MGAM2: variants seen among roughly 807,000 people sequenced by gnomAD.
The protein encoded by MGAM2 is probable maltase-glucoamylase 2.
Under a neutral mutation model 96.1 loss-of-function variants are expected in MGAM2, and 98 were observed. The observed-to-expected ratio is 1.02, with a 90% confidence interval of 0.87 to 1.21. MGAM2 has a LOEUF of 1.21. MGAM2 is among the 50% of genes most tolerant of loss of function. MGAM2 has a pLI of 0.00. For synonymous variants in MGAM2, 749 were observed against 414.8 expected, an observed-to-expected ratio of 1.81 and a Z score of -9.79; for missense variants, 2,055 against 1,182.4, an observed-to-expected ratio of 1.74 and a Z score of -10.82.
Position 142,156,068 on chromosome 7 carries a change from C to T in MGAM2, c.1923+1223C>T, listed in dbSNP as rs145038268. On this transcript the variant is annotated intron_variant, in intron 17 of 47. Coordinates refer to ENST00000477922, the MANE Select transcript of MGAM2 (RefSeq NM_001293626.2). ...GCTGAGGCAGGAGAATCTCTTGAAC[C>T]GGGGAGGCAGAGGTTGTGGTGTGCT... Among the ~76,000 whole-genome samples, 1,376 of 151,804 alleles carry T rather than the reference C, an allele frequency of 9.1e-3. 25 individuals are homozygous for T. Among genetic ancestry groups the T allele is most frequent in the African/African-American group, 0.031 (1,276 of 41,380 alleles).
chr7:142,219,943 G>A lies in MGAM2; in HGVS notation c.5432G>A (p.Gly1811Asp). 1.4e-6 allele frequency: 1 copy of A among 702,760 alleles called. No individual in the cohort carries two copies. The highest frequency in any genetic ancestry group is 1.5e-5 in the South Asian group (1 of 67,588). 43.5% of individuals were successfully genotyped at this position (702,760 alleles called of 1,614,324 possible). ...ACTGAGGTTACTTGGATTGATGGTG[G>A]TCCTGTACTTCCTACTCCAACTAAG... ...KLTEVTWIDGGPVLPTPTKTS... is the reference protein window; with the variant it reads ...KLTEVTWIDGDPVLPTPTKTS... Residue 1811 changes from glycine (G) to aspartate (D), a missense_variant, in exon 48 of 48, where the codon GGT becomes GAT. Coordinates refer to ENST00000477922, the MANE Select transcript of MGAM2 (RefSeq NM_001293626.2).
At chr7:142,176,022 A>G (rs1300809218) in intron 32 of MGAM2, among the ~76,000 whole-genome samples, 1 of 151,888 alleles carries the variant, frequency 6.6e-6, no homozygotes, top group Non-Finnish European at 1.5e-5. Context: ...TATTTTCCAT[A>G]ACTGTCACTG....
intron 32 of MGAM2, among the ~76,000 whole-genome samples, chr7:142,182,839 G>A (rs1343743768): frequency 6.6e-6 from 1 of 152,198 alleles, no homozygotes; most frequent in South Asian, 2.1e-4. Flanking sequence ...TGTTTGAAGT[G>A]TAATGGTTTA....
intron 37 of MGAM2, among the ~76,000 whole-genome samples, chr7:142,191,432 C>T (rs979382970): frequency 6.6e-6 from 1 of 152,044 alleles, no homozygotes; most frequent in Admixed American, 6.6e-5. Context: ...GGTATTACAC[C>T]AAGATCTGTC....
chr7:142,171,228 G>A (rs1463286278), intron 27 of MGAM2, 44 bp from the exon 28 acceptor site: 1 of 701,430 alleles, frequency 1.4e-6, no homozygotes, highest in East Asian at 2.7e-5. Flanking sequence ...AAGTAGCTCT[G>A]GCCAGTGGTC....
rs1335470991 is a variant in MGAM2, at chr7:142,219,013, C to T, written c.5358+482C>T. On this transcript the variant is annotated intron_variant, in intron 47 of 47. Coordinates refer to ENST00000477922, the MANE Select transcript of MGAM2 (RefSeq NM_001293626.2). ...TGTGGTAATCTTCGAATGAATACAT[C>T]CCACCTGTGGTATAGGATAAAAGGT... Among the ~76,000 whole-genome samples, 7 of 152,200 alleles carry T rather than the reference C, an allele frequency of 4.6e-5. No homozygotes were observed. In the South Asian group the frequency reaches 1.2e-3, roughly 27 times the overall value.
chr7:142,115,145 AG>A (rs1477247045), intron 1 of MGAM2, among the ~76,000 whole-genome samples: 1 of 152,312 alleles, frequency 6.6e-6, no homozygotes, highest in African/African-American at 2.4e-5. Flanking sequence ...TGAACCTGGG[AG>A]GTGGAGGTTG....
At chr7:142,214,287 A>G (rs576600556) in intron 46 of MGAM2, among the ~76,000 whole-genome samples, 1 of 152,332 alleles carries the variant, frequency 6.6e-6, no homozygotes, top group South Asian at 2.1e-4. Flanking sequence ...TATTCAGCAT[A>G]GTATTGGAAG....
intron 32 of MGAM2, among the ~76,000 whole-genome samples, chr7:142,179,138 A>G (rs939954814): frequency 2.0e-5 from 3 of 152,036 alleles, no homozygotes; most frequent in Non-Finnish European, 4.4e-5. Flanking sequence ...TGAGATTTCT[A>G]ATTTGAGATT....
At chr7:142,142,543 T>TTTTTTG (rs1361217635) in intron 12 of MGAM2, among the ~76,000 whole-genome samples, 1 of 144,136 alleles carries the variant, frequency 6.9e-6, no homozygotes, top group Non-Finnish European at 1.5e-5. Flanking sequence ...TTTTTTTTTT[T>TTTTTTG]TTTTTGAGAT....
chr7:142,182,064 C>A (rs959716520), intron 32 of MGAM2, among the ~76,000 whole-genome samples: 3 of 152,112 alleles, frequency 2.0e-5, no homozygotes, highest in African/African-American at 7.2e-5. Flanking sequence ...CAGAGGGAGG[C>A]ATGCCCAACT....
intron 46 of MGAM2, among the ~76,000 whole-genome samples, chr7:142,210,595 C>T (rs762971887): frequency 6.1e-4 from 93 of 152,200 alleles, no homozygotes; most frequent in Non-Finnish European, 9.3e-4. Context: ...GGGCAGAGCC[C>T]ACCACAGCTC....
intron 12 of MGAM2, among the ~76,000 whole-genome samples, chr7:142,141,720 G>T (rs1334065802): frequency 6.6e-6 from 1 of 151,826 alleles, no homozygotes; most frequent in Non-Finnish European, 1.5e-5. Flanking sequence ...GGTTGATCTC[G>T]AACTCCTGAC....
In MGAM2 at chr7:142,154,003, T is replaced by G. The variant is rs1423573348; in HGVS notation, c.1635-15T>G. ...ACAGCCCACCTCACACTCCACTGGA[T>G]GTATTCCTTTCCAGAGCCCTGGAGA... is the stretch of plus-strand genomic sequence containing the variant. On this transcript the variant is annotated splice_polypyrimidine_tract_variant and intron_variant, in intron 15 of 47. Transcript: ENST00000477922. 6 of 637,638 alleles carry G rather than the reference T, an allele frequency of 9.4e-6. No individual in the cohort carries two copies. Among genetic ancestry groups the G allele is most frequent in the Non-Finnish European group, 1.8e-5 (6 of 341,192 alleles). 39.5% of individuals were successfully genotyped at this position (637,638 alleles called of 1,614,324 possible).
intron 17 of MGAM2, among the ~76,000 whole-genome samples, chr7:142,155,527 T>C (rs1053329422): frequency 1.3e-5 from 2 of 152,220 alleles, no homozygotes; most frequent in Admixed American, 6.5e-5. Context: ...TTAGAATAAC[T>C]TCCTAATGAT....
At chr7:142,130,886 T>C in intron 3 of MGAM2, 62 bp from the exon 4 acceptor site, 5 of 673,622 alleles carry the variant, frequency 7.4e-6, no homozygotes, top group Non-Finnish European at 1.1e-5. Flanking sequence ...TATAAATAAA[T>C]AGACAGATAA....
At chr7:142,189,791 C>A (rs1379614084) in intron 37 of MGAM2, among the ~76,000 whole-genome samples, 4 of 152,160 alleles carry the variant, frequency 2.6e-5, no homozygotes, top group Non-Finnish European at 4.4e-5. Context: ...AAAAGGAAAA[C>A]CTTTGCCCAT....
chr7:142,157,932 C>G lies in MGAM2; in HGVS notation c.1924-5C>G, dbSNP rs1018870605. The G allele has an allele frequency of 1.4e-6, 1 of 702,634 alleles. No homozygotes were observed. Among genetic ancestry groups the G allele is most frequent in the Non-Finnish European group, 2.6e-6 (1 of 384,840 alleles). The allele number at this position is 702,634 out of a possible 1,614,324, so 43.5% of individuals were successfully genotyped here. On this transcript the variant is annotated splice_polypyrimidine_tract_variant and splice_region_variant and intron_variant, in intron 17 of 47. Coordinates refer to ENST00000477922, the MANE Select transcript of MGAM2 (RefSeq NM_001293626.2). The stretch of plus-strand genomic sequence containing the variant: ...TATTCAGCCATTCCTTCCATTTTCT[C>G]CTAGGACCAGGATCCCGCTGCCTTT...
chr7:142,171,964 A>G (rs1272884986), intron 28 of MGAM2, 134 bp from the exon 29 acceptor site: 2 of 393,726 alleles, frequency 5.1e-6, no homozygotes, highest in Non-Finnish European at 9.3e-6. Flanking sequence ...TAGAAGGGAG[A>G]GTCAATGAAG....
Sources: allele counts gnomAD v4.1 joint callset (sites outside exome capture counted in the v4.1 genomes callset), GRCh38; gene constraint gnomAD v4.1.1; transcripts MANE v1.5; gene names NCBI Gene and HGNC (gene_info 2026-07-23, HGNC 2026-07-21).